The following ARHGAP26 variants were observed in gnomAD, a reference collection of about 807,000 sequenced individuals.
The protein encoded by ARHGAP26 is Rho GTPase activating protein 26, also known as rho GTPase-activating protein 26.
ARHGAP26 carries 38 observed loss-of-function variants against 104.8 expected under a neutral mutation model. That is an observed-to-expected ratio of 0.36 (90% CI 0.28 to 0.48). ARHGAP26 has a LOEUF of 0.48. Among genes scored for constraint, ARHGAP26 ranks in the 20% least tolerant of loss-of-function variants. ARHGAP26 has a pLI of 0.99. For synonymous variants in ARHGAP26, 341 were observed against 340.0 expected, an observed-to-expected ratio of 1.00 and a Z score of -0.03; for missense variants, 704 against 947.9, an observed-to-expected ratio of 0.74 and a Z score of 3.38.
chr5:142,895,651 A>AT, intron 6 of ARHGAP26, among the ~76,000 whole-genome samples: 1 of 152,220 alleles, frequency 6.6e-6, no homozygotes, highest in East Asian at 1.9e-4. Context: ...TTTGGGGTGG[A>AT]TTTTTTTAGG....
chr5:142,785,438 GA>G (rs1023791736), intron 1 of ARHGAP26, among the ~76,000 whole-genome samples: 1 of 152,216 alleles, frequency 6.6e-6, no homozygotes, highest in Non-Finnish European at 1.5e-5. Context: ...ACTCACTGCC[GA>G]GGGGGCCTTT....
chr5:142,928,713 A>G (rs1389435834), intron 10 of ARHGAP26, among the ~76,000 whole-genome samples: 1 of 152,200 alleles, frequency 6.6e-6, no homozygotes, highest in Non-Finnish European at 1.5e-5. Context: ...GAATAATAAG[A>G]ATATACTTTT....
At chr5:142,825,781 T>C (rs942095669) in intron 1 of ARHGAP26, among the ~76,000 whole-genome samples, 1 of 152,184 alleles carries the variant, frequency 6.6e-6, no homozygotes, top group Non-Finnish European at 1.5e-5. Flanking sequence ...CAGTAGAGAC[T>C]CCAGATCAGA....
At chr5:143,175,376 A>G (rs1326190890) in intron 20 of ARHGAP26, among the ~76,000 whole-genome samples, 1 of 152,186 alleles carries the variant, frequency 6.6e-6, no homozygotes, top group Non-Finnish European at 1.5e-5. Flanking sequence ...CAGTGAAGGA[A>G]AATGTGTTTG....
At chr5:143,081,780 G>A (rs1429231406) in intron 17 of ARHGAP26, among the ~76,000 whole-genome samples, 4 of 152,188 alleles carry the variant, frequency 2.6e-5, no homozygotes, top group South Asian at 2.1e-4. Context: ...CTGGGAGGCC[G>A]AGGCCGGCGG....
chr5:142,800,232 G>C (rs186420290), intron 1 of ARHGAP26, among the ~76,000 whole-genome samples: 1 of 152,288 alleles, frequency 6.6e-6, no homozygotes, highest in Admixed American at 6.5e-5. Flanking sequence ...ACTAGGGAGG[G>C]CTCTAGAGAC....
chr5:142,991,190 C>T (rs574646210), intron 11 of ARHGAP26, among the ~76,000 whole-genome samples: 71 of 152,324 alleles, frequency 4.7e-4, no homozygotes, highest in African/African-American at 1.5e-3. Flanking sequence ...GCCTTGCTGC[C>T]GCCTTGCAGT....
At chr5:142,824,870 G>C (rs2152090688) in intron 1 of ARHGAP26, among the ~76,000 whole-genome samples, 1 of 152,326 alleles carries the variant, frequency 6.6e-6, no homozygotes, top group African/African-American at 2.4e-5. Context: ...CAGGAGTGGG[G>C]GAGAATCTGG....
At chr5:143,014,455 A>C in intron 12 of ARHGAP26, 1 of 278,652 alleles carries the variant, frequency 3.6e-6, no homozygotes, top group Non-Finnish European at 6.8e-6. Flanking sequence ...AACAATACTC[A>C]ACTCCTGGAG....
chr5:142,792,866 G>A (rs1760142769), intron 1 of ARHGAP26, among the ~76,000 whole-genome samples: 1 of 152,114 alleles, frequency 6.6e-6, no homozygotes, highest in Non-Finnish European at 1.5e-5. Flanking sequence ...AGTTCTTTCT[G>A]TGTTCAAAAC....
intron 6 of ARHGAP26, among the ~76,000 whole-genome samples, chr5:142,896,761 G>C (rs781069597): frequency 1.8e-4 from 28 of 152,116 alleles, no homozygotes; most frequent in Non-Finnish European, 3.7e-4. Flanking sequence ...TCCCAGCCTA[G>C]CCATTTACTA....
intron 11 of ARHGAP26, among the ~76,000 whole-genome samples, chr5:142,945,046 C>T (rs550213088): frequency 4.6e-5 from 7 of 152,262 alleles, no homozygotes; most frequent in Admixed American, 6.5e-5. Flanking sequence ...CTGTGTGATT[C>T]GACAGGGAAC....
At chr5:142,890,793 C>T (rs941399007) in intron 5 of ARHGAP26, among the ~76,000 whole-genome samples, 1 of 152,134 alleles carries the variant, frequency 6.6e-6, no homozygotes, top group Non-Finnish European at 1.5e-5. Context: ...CTCTTGGAAA[C>T]ACTCTACTCA....
intron 20 of ARHGAP26, among the ~76,000 whole-genome samples, chr5:143,205,006 C>T (rs1808343060): frequency 6.6e-6 from 1 of 151,888 alleles, no homozygotes; most frequent in Admixed American, 6.6e-5. Flanking sequence ...TCTGGTGGGG[C>T]AGGGTTGTGT....
chr5:142,775,464 GGTTT>G (rs1225552658), intron 1 of ARHGAP26, among the ~76,000 whole-genome samples: 1 of 151,996 alleles, frequency 6.6e-6, no homozygotes, highest in Non-Finnish European at 1.5e-5. Context: ...TCTTTGTCGA[GGTTT>G]GTTTGTTGTA....
chr5:143,179,773 G>T (rs545879289), intron 20 of ARHGAP26, among the ~76,000 whole-genome samples: 2 of 152,278 alleles, frequency 1.3e-5, no homozygotes, highest in South Asian at 4.1e-4. Flanking sequence ...TGTGGGGAAA[G>T]TCCTGTGCTG....
At chr5:143,099,176 T>C (rs991738233) in intron 17 of ARHGAP26, among the ~76,000 whole-genome samples, 5 of 152,246 alleles carry the variant, frequency 3.3e-5, no homozygotes, top group Non-Finnish European at 5.9e-5. Context: ...TAACTTAGTT[T>C]GATATCTATC....
At chr5:143,037,585 A>G (rs767714006) in intron 13 of ARHGAP26, among the ~76,000 whole-genome samples, 1 of 152,208 alleles carries the variant, frequency 6.6e-6, no homozygotes, top group African/African-American at 2.4e-5. Flanking sequence ...AACACTTTAT[A>G]AGTGATAGTG....
intron 5 of ARHGAP26, among the ~76,000 whole-genome samples, chr5:142,889,250 G>A (rs981404275): frequency 1.3e-5 from 2 of 152,108 alleles, no homozygotes; most frequent in Admixed American, 6.5e-5. Context: ...GCCATACACC[G>A]TTCTGAGCAC....
Sources: gnomAD v4.1 joint callset for allele counts (sites outside exome capture counted in the v4.1 genomes callset) on GRCh38, gnomAD v4.1.1 for gene constraint, MANE v1.5 for transcripts, NCBI Gene and HGNC (gene_info 2026-07-23, HGNC 2026-07-21) for gene names.